Variants in CNTNAP5 observed in about 807,000 individuals in gnomAD.
CNTNAP5 encodes the protein contactin-associated protein-like 5.
In CNTNAP5, 72 loss-of-function variants were observed where a neutral mutation model predicts 150.2. That is an observed-to-expected ratio of 0.48 (90% CI 0.40 to 0.58). The LOEUF is 0.58. Among genes scored for constraint, CNTNAP5 ranks in the 20% least tolerant of loss-of-function variants. The probability of loss-of-function intolerance (pLI) is 0.00; values close to 1 mark genes in which losing one functional copy is unlikely to be tolerated. For synonymous variants in CNTNAP5, 672 were observed against 619.8 expected (o/e 1.08, Z -1.25); for missense variants, 1,636 against 1,626.2 (o/e 1.01, Z -0.10).
At chr2:124,136,025 T>C (rs1004008746) in intron 1 of CNTNAP5, among the ~76,000 whole-genome samples, 1 of 152,188 alleles carries the variant, frequency 6.6e-6, no homozygotes, top group South Asian at 2.1e-4. Context: ...AGATGAGGAA[T>C]GTTGAAGTTG....
Position 124,248,626 on chromosome 2 carries a change from A to G in CNTNAP5, c.381+6233A>G, listed in dbSNP as rs187717359. On this transcript the variant is annotated intron_variant, in intron 3 of 23. Transcript: ENST00000682447. The stretch of plus-strand genomic sequence containing the variant: ...CCATGAAAGCTCCTCACTGATGCCC[A>G]TCTGTTTTCTCTTCTTAACACTAGA... Among the ~76,000 whole-genome samples the G allele has an allele frequency of 3.4e-3, 516 of 152,326 alleles. 3 individuals carry two copies. The highest frequency in any genetic ancestry group is 0.012 in the African/African-American group (491 of 41,580).
chr2:124,530,509 A>G (rs1695080587), intron 10 of CNTNAP5, among the ~76,000 whole-genome samples: 1 of 152,142 alleles, frequency 6.6e-6, no homozygotes, highest in Non-Finnish European at 1.5e-5. Context: ...ATCCTGAGCA[A>G]AAGCTAAAAG....
At chr2:124,704,878 C>A (rs1197207743) in intron 13 of CNTNAP5, among the ~76,000 whole-genome samples, 1 of 152,076 alleles carries the variant, frequency 6.6e-6, no homozygotes, top group Non-Finnish European at 1.5e-5. Context: ...TCCCTGTATT[C>A]AACTGCTTAG....
chr2:124,742,475 A>G (rs1356986193), intron 13 of CNTNAP5, among the ~76,000 whole-genome samples: 3 of 152,096 alleles, frequency 2.0e-5, no homozygotes, highest in South Asian at 2.1e-4. Flanking sequence ...CCAGCACTCA[A>G]TGCTGACATT....
At chr2:124,089,518 C>T (rs1450493264) in intron 1 of CNTNAP5, among the ~76,000 whole-genome samples, 3 of 152,120 alleles carry the variant, frequency 2.0e-5, no homozygotes, top group South Asian at 2.1e-4. Context: ...ATGTTTTGTA[C>T]TCTCCATTCA....
chr2:124,843,459 T>G (rs941409981), intron 19 of CNTNAP5, among the ~76,000 whole-genome samples: 1 of 152,176 alleles, frequency 6.6e-6, no homozygotes, highest in African/African-American at 2.4e-5. Flanking sequence ...CAATTGCAAA[T>G]TTTGCTGCTA....
chr2:124,108,811 A>G (rs917472138), intron 1 of CNTNAP5, among the ~76,000 whole-genome samples: 1 of 152,222 alleles, frequency 6.6e-6, no homozygotes, highest in Non-Finnish European at 1.5e-5. Flanking sequence ...AAGACATTTC[A>G]GAAACCAGAA....
At chr2:124,437,468 C>G (rs145960671) in intron 5 of CNTNAP5, among the ~76,000 whole-genome samples, 1 of 152,176 alleles carries the variant, frequency 6.6e-6, no homozygotes, top group East Asian at 1.9e-4. Flanking sequence ...ATTAGTGTAG[C>G]TACTATTACC....
intron 6 of CNTNAP5, among the ~76,000 whole-genome samples, chr2:124,447,617 A>G (rs1359291369): frequency 2.6e-5 from 4 of 152,228 alleles, no homozygotes; most frequent in Non-Finnish European, 5.9e-5. Context: ...AAGCTCTTGC[A>G]GAACAAGGAG....
At chr2:124,812,210 C>CT (rs915608447) in intron 19 of CNTNAP5, among the ~76,000 whole-genome samples, 3 of 133,334 alleles carry the variant, frequency 2.2e-5, no homozygotes, top group Non-Finnish European at 3.1e-5. Flanking sequence ...TGATTCTACC[C>CT]TTTTTTTAAT....
At chr2:124,375,768 G>T (rs1055343210) in intron 3 of CNTNAP5, among the ~76,000 whole-genome samples, 1 of 151,940 alleles carries the variant, frequency 6.6e-6, no homozygotes, top group Non-Finnish European at 1.5e-5. Context: ...ATTTTTGTGT[G>T]TCTAAAATTA....
chr2:124,151,472 C>T (rs1573793869), intron 1 of CNTNAP5, among the ~76,000 whole-genome samples: 1 of 152,308 alleles, frequency 6.6e-6, no homozygotes, highest in East Asian at 1.9e-4. Context: ...AAAATCAGCT[C>T]TGCCACTTAC....
In CNTNAP5 at chr2:124,510,518, T is replaced by TATATACACACAC. The variant is rs10641959; in HGVS notation, c.1327+5963_1327+5964insTATACACACACA. Among the ~76,000 whole-genome samples, 441 of 124,832 alleles carry TATATACACACAC rather than the reference T, an allele frequency of 3.5e-3. 11 individuals are homozygous for TATATACACACAC. The highest frequency in any genetic ancestry group is 0.013 in the African/African-American group (421 of 31,314). 81.9% of individuals were successfully genotyped at this position (124,832 alleles called of 152,430 possible). ...ATATATATATATATATATATATATA[T>TATATACACACAC]ACATATATCTCCATATATCAACACA... On this transcript the variant is annotated intron_variant, in intron 8 of 23. Coordinates refer to ENST00000682447, the MANE Select transcript of CNTNAP5 (RefSeq NM_001367498.1).
intron 1 of CNTNAP5, among the ~76,000 whole-genome samples, chr2:124,097,535 G>GT (rs1361721785): frequency 6.6e-6 from 1 of 152,176 alleles, no homozygotes; most frequent in Non-Finnish European, 1.5e-5. Context: ...AAGCCCCACT[G>GT]TAAGGACATG....
At chr2:124,151,325 C>T (rs995995434) in intron 1 of CNTNAP5, among the ~76,000 whole-genome samples, 11 of 151,678 alleles carry the variant, frequency 7.3e-5, no homozygotes, top group South Asian at 2.1e-4. Flanking sequence ...CCCTCTTTTC[C>T]GCTAGGTTCA....
intron 7 of CNTNAP5, among the ~76,000 whole-genome samples, chr2:124,485,544 C>T (rs1693852505): frequency 7.2e-6 from 1 of 138,852 alleles, no homozygotes; most frequent in Non-Finnish European, 1.5e-5. Context: ...ACCCGGGAGG[C>T]GGAGCTTGCA....
At chr2:124,642,845 A>T (rs1366239801) in intron 12 of CNTNAP5, among the ~76,000 whole-genome samples, 1 of 152,244 alleles carries the variant, frequency 6.6e-6, no homozygotes, top group Non-Finnish European at 1.5e-5. Flanking sequence ...AAAAGATCTC[A>T]TAGCTTTATG....
At chr2:124,545,750 A>T (rs1695497079) in intron 10 of CNTNAP5, among the ~76,000 whole-genome samples, 1 of 152,028 alleles carries the variant, frequency 6.6e-6, no homozygotes, top group Non-Finnish European at 1.5e-5. Context: ...TACAGATGTT[A>T]ACCCAGGACA....
At chr2:124,286,875 G>A (rs1302986878) in intron 3 of CNTNAP5, among the ~76,000 whole-genome samples, 1 of 152,202 alleles carries the variant, frequency 6.6e-6, no homozygotes, top group Non-Finnish European at 1.5e-5. Flanking sequence ...TCTGTTAGCT[G>A]AGTAGAATAG....
Sources: allele counts gnomAD v4.1 joint callset (sites outside exome capture counted in the v4.1 genomes callset), GRCh38; gene constraint gnomAD v4.1.1; transcripts MANE v1.5; gene names NCBI Gene and HGNC (gene_info 2026-07-23, HGNC 2026-07-21).